Variants in MCMDC2 observed in about 807,000 individuals in gnomAD.
MCMDC2 encodes minichromosome maintenance domain-containing protein 2.
MCMDC2 carries 54 observed loss-of-function variants against 75.8 expected under a neutral mutation model. The observed-to-expected ratio is 0.71, with a 90% CI of 0.57 to 0.89. MCMDC2 has a LOEUF of 0.89. Ranked by LOEUF, MCMDC2 falls within the 40% of genes least tolerant of loss-of-function variation. The probability of loss-of-function intolerance (pLI) is 0.00; values close to 1 mark genes in which losing one functional copy is unlikely to be tolerated. For missense variants in MCMDC2, 656 were observed against 780.4 expected (o/e 0.84, Z 1.90); for synonymous variants, 249 against 274.6 (o/e 0.91, Z 0.92).
At chr8:66,903,206 T>C (rs1270054708) in intron 13 of MCMDC2, among the ~76,000 whole-genome samples, 4 of 152,228 alleles carry the variant, frequency 2.6e-5, no homozygotes, top group African/African-American at 9.6e-5. Flanking sequence ...GTAATTCTGT[T>C]TTCCATTTTG....
At chr8:66,874,763 ACTT>A (rs1266190721) in intron 4 of MCMDC2, among the ~76,000 whole-genome samples, 177 bp downstream of exon 4, 1 of 151,710 alleles carries the variant, frequency 6.6e-6, no homozygotes, top group Non-Finnish European at 1.5e-5. Flanking sequence ...AACATTAAAC[ACTT>A]CTTTTTTTTT....
intron 14 of MCMDC2, among the ~76,000 whole-genome samples, chr8:66,915,325 G>A (rs766888840): frequency 3.7e-4 from 56 of 151,778 alleles, no homozygotes; most frequent in Non-Finnish European, 4.9e-4. Context: ...AGTGGCGCGC[G>A]TCTGTAATCC....
chr8:66,903,791 T>C (rs1422004062), intron 13 of MCMDC2, among the ~76,000 whole-genome samples: 2 of 152,164 alleles, frequency 1.3e-5, no homozygotes, highest in African/African-American at 4.8e-5. Context: ...TCTATACATA[T>C]TCTGTCCCGG....
chr8:66,899,974 AC>A (rs1450195485), intron 12 of MCMDC2, among the ~76,000 whole-genome samples: 3 of 150,174 alleles, frequency 2.0e-5, no homozygotes, highest in East Asian at 2.0e-4. Flanking sequence ...ACAAAAAAAA[AC>A]AAAAGAAAAA....
downstream of MCMDC2, among the ~76,000 whole-genome samples, chr8:66,923,561 A>T (rs945567674): frequency 9.9e-5 from 15 of 152,218 alleles, no homozygotes; most frequent in African/African-American, 3.6e-4. Context: ...TATGATTCAC[A>T]GGAACTACAG....
intron 9 of MCMDC2, among the ~76,000 whole-genome samples, chr8:66,886,076 A>G (rs910436986): frequency 6.6e-6 from 1 of 152,118 alleles, no homozygotes; most frequent in Non-Finnish European, 1.5e-5. Context: ...TTCTTGCACA[A>G]GTCTTTTTGT....
intron 8 of MCMDC2, among the ~76,000 whole-genome samples, chr8:66,881,601 G>A (rs1284265261): frequency 4.6e-5 from 7 of 152,162 alleles, no homozygotes; most frequent in Admixed American, 3.3e-4. Context: ...CAGGAGAATC[G>A]GTTGAACCTG....
intron 13 of MCMDC2, among the ~76,000 whole-genome samples, chr8:66,902,625 C>T (rs1289288186): frequency 3.6e-5 from 5 of 137,424 alleles, no homozygotes; most frequent in East Asian, 4.6e-4. Context: ...ACCCCAGAGG[C>T]GGAGGTTGCA....
At chr8:66,881,057 G>C in intron 8 of MCMDC2, 83 bp downstream of exon 8, 1 of 1,110,532 alleles carries the variant, frequency 9.0e-7, no homozygotes, top group Non-Finnish European at 1.2e-6. Flanking sequence ...GTTTGCCTAT[G>C]TGCTAGGCAT....
At chr8:66,881,098 C>A in intron 8 of MCMDC2, 124 bp downstream of exon 8, 1 of 741,232 alleles carries the variant, frequency 1.3e-6, no homozygotes, top group Non-Finnish European at 1.9e-6. Flanking sequence ...CAGTTGTAAA[C>A]AGGACAGTCA....
intron 8 of MCMDC2, among the ~76,000 whole-genome samples, chr8:66,881,340 C>G (rs1420281379): frequency 2.6e-5 from 4 of 152,224 alleles, no homozygotes; most frequent in Admixed American, 2.6e-4. Context: ...TTCTATACCA[C>G]TAGCCAAGGC....
rs1813491686 is a variant in MCMDC2, at chr8:66,920,665, A to ATCCTT, written c.*1498_*1502dup. On this transcript the variant is annotated 3_prime_UTR_variant, in exon 15 of 15. Coordinates refer to ENST00000422365, the MANE Select transcript of MCMDC2 (RefSeq NM_173518.5). ...CACATTCCTATTTTATAAAACTAGG[A>ATCCTT]TCCTTTTACAATTGGAAAGTTTAAA... is the stretch of plus-strand genomic sequence containing the variant. 1 of 152,134 alleles carries ATCCTT rather than the reference A, an allele frequency of 6.6e-6. No individual in the cohort carries two copies. The highest frequency in any genetic ancestry group is 6.6e-5 in the Admixed American group (1 of 15,266). 9.4% of individuals were successfully genotyped at this position (152,134 alleles called of 1,614,324 possible).
intron 1 of MCMDC2, among the ~76,000 whole-genome samples, chr8:66,872,803 CA>C (rs1312022608): frequency 1.3e-5 from 2 of 151,858 alleles, no homozygotes; most frequent in Non-Finnish European, 2.9e-5. Context: ...ACTAAAAATA[CA>C]AAAATTAGCT....
chr8:66,881,320 C>A (rs769412298), intron 8 of MCMDC2, among the ~76,000 whole-genome samples: 1 of 152,142 alleles, frequency 6.6e-6, no homozygotes, highest in African/African-American at 2.4e-5. Flanking sequence ...AGAGATTAGT[C>A]AAAGGATTTT....
In MCMDC2 at chr8:66,920,820, A is replaced by T. The variant is rs1026741110; in HGVS notation, c.*1651A>T. ...TCCGAGTAGCTGGGACTACAGGGAC[A>T]TGCTACCACCCTGGGATAACTTCTG... On this transcript the variant is annotated 3_prime_UTR_variant, in exon 15 of 15. Coordinates refer to ENST00000422365, the MANE Select transcript of MCMDC2 (RefSeq NM_173518.5). The T allele has an allele frequency of 6.6e-6, 1 of 152,032 alleles. No homozygotes were observed. The highest frequency in any genetic ancestry group is 1.9e-4 in the East Asian group (1 of 5,174). 9.4% of individuals were successfully genotyped at this position (152,032 alleles called of 1,614,324 possible). A position where few individuals can be genotyped will look rare whatever the true frequency, so the allele number is the denominator to read the frequency against.
intron 14 of MCMDC2, among the ~76,000 whole-genome samples, chr8:66,916,523 G>A (rs1454530425): frequency 1.3e-5 from 2 of 152,304 alleles, no homozygotes; most frequent in African/African-American, 4.8e-5. Flanking sequence ...AATGCCAGTT[G>A]TGTGATTTTC....
chr8:66,874,997 G>T (rs1290710860), intron 4 of MCMDC2, among the ~76,000 whole-genome samples: 3 of 151,970 alleles, frequency 2.0e-5, no homozygotes, highest in Admixed American at 6.6e-5. Context: ...CTCATGATCC[G>T]CCCACATTGG....
chr8:66,913,529 C>T (rs563684094), intron 14 of MCMDC2, among the ~76,000 whole-genome samples: 8 of 152,236 alleles, frequency 5.3e-5, no homozygotes, highest in African/African-American at 2.4e-5. Context: ...ACTAAATATT[C>T]GTGATCTTTT....
intron 7 of MCMDC2, among the ~76,000 whole-genome samples, chr8:66,880,295 G>T (rs1156756029): frequency 1.3e-5 from 2 of 152,206 alleles, no homozygotes; most frequent in African/African-American, 4.8e-5. Context: ...TTAGGAGGCT[G>T]AGGCAAGAGG....
Sources: allele counts gnomAD v4.1 joint callset (sites outside exome capture counted in the v4.1 genomes callset), GRCh38; gene constraint gnomAD v4.1.1; transcripts MANE v1.5; gene names NCBI Gene and HGNC (gene_info 2026-07-23, HGNC 2026-07-21).